Variants in DLC1 observed in about 807,000 individuals in gnomAD.
DLC1 encodes rho GTPase-activating protein 7.
In DLC1, 54 loss-of-function variants were observed where a neutral mutation model predicts 140.3. The observed-to-expected ratio is 0.38, with a 90% CI of 0.31 to 0.48. DLC1 has a LOEUF of 0.48. Ranked by LOEUF, DLC1 falls within the 20% of genes least tolerant of loss-of-function variation. The probability of loss-of-function intolerance (pLI) is 0.96; values close to 1 mark genes in which losing one functional copy is unlikely to be tolerated. For synonymous variants in DLC1, 986 were observed against 728.1 expected (o/e 1.35, Z -5.70); for missense variants, 2,536 against 1,907.0 (o/e 1.33, Z -6.14).
Position 13,099,831 on chromosome 8 carries a change from CA to C in DLC1, c.2505del (p.Val836Ter). ...TGGAAGCTTCCCGTCCTCCAGTTCACAGAGCCGTTATTCCCCGAGGGGGAGA... is the reference window on the plus strand; with the variant it reads ...TGGAAGCTTCCCGTCCTCCAGTTCACGAGCCGTTATTCCCCGAGGGGGAGA... Reference protein sequence around the residue: ...GSFSPSGNNGSVNWRTGSFHG... With the variant: ...GSFSPSGNNGXVNWRTGSFHG... On this transcript the variant is annotated frameshift_variant, in exon 9 of 18. Transcript: ENST00000276297. LOFTEE classifies it high-confidence loss of function. 1 of 1,614,206 alleles carries C rather than the reference CA, an allele frequency of 6.2e-7. No individual in the cohort carries two copies. Among genetic ancestry groups the C allele is most frequent in the Non-Finnish European group, 8.5e-7 (1 of 1,180,042 alleles).
intron 4 of DLC1, among the ~76,000 whole-genome samples, chr8:13,310,296 ATTTTC>A (rs1341433183): frequency 1.3e-5 from 2 of 152,202 alleles, no homozygotes; most frequent in African/African-American, 4.8e-5. Context: ...GTGTATAGAA[ATTTTC>A]TTTATTTGCC....
chr8:13,398,247 A>G (rs73665110), intron 3 of DLC1, among the ~76,000 whole-genome samples: 1,542 of 151,732 alleles, frequency 0.01, 24 homozygotes, highest in African/African-American at 0.035. Context: ...AGCTAGAGCA[A>G]TTCCAGAAAG....
intron 4 of DLC1, among the ~76,000 whole-genome samples, chr8:13,351,286 G>A (rs1053618151): frequency 6.6e-6 from 1 of 152,204 alleles, no homozygotes; most frequent in African/African-American, 2.4e-5. Context: ...TATAGATGAA[G>A]ACACTGAAGC....
rs564241863 is a variant in DLC1, at chr8:13,094,653, G to A, written c.3526+106C>T. ...TGCACTCCAGCCTGGATGACAGAGC[G>A]AGACTCCATCTCAAAAAAAAAAAGA... On this transcript the variant is annotated intron_variant, in intron 12 of 17. Coordinates refer to ENST00000276297, the MANE Select transcript of DLC1 (RefSeq NM_182643.3). 746 of 1,336,754 alleles carry A rather than the reference G, an allele frequency of 5.6e-4. 16 individuals carry two copies. In the South Asian group the frequency reaches 7.2e-3, roughly 13 times the overall value. 82.8% of individuals were successfully genotyped at this position (1,336,754 alleles called of 1,614,324 possible).
At chr8:13,466,526 G>C (rs1050946437) in intron 2 of DLC1, among the ~76,000 whole-genome samples, 2 of 152,158 alleles carry the variant, frequency 1.3e-5, no homozygotes, top group Admixed American at 1.3e-4. Context: ...AACATTTCCT[G>C]TGGGAGAGAT....
intron 5 of DLC1, among the ~76,000 whole-genome samples, chr8:13,297,866 GT>G (rs59669606): frequency 6.6e-6 from 1 of 150,958 alleles, no homozygotes; most frequent in African/African-American, 2.4e-5. Context: ...TTCCATTTTA[GT>G]TTTTTTTTGT....
intron 4 of DLC1, among the ~76,000 whole-genome samples, chr8:13,312,365 A>AAAAAAAAAAAT (rs1832705305): frequency 1.4e-4 from 14 of 101,856 alleles, no homozygotes; most frequent in African/African-American, 5.2e-4. Flanking sequence ...CGTCTCAAAA[A>AAAAAAAAAAAT]AAAAAAAAAA....
chr8:13,449,258 A>G (rs1355536574), intron 2 of DLC1, among the ~76,000 whole-genome samples: 1 of 152,196 alleles, frequency 6.6e-6, no homozygotes, highest in Non-Finnish European at 1.5e-5. Flanking sequence ...ATTGGCACAC[A>G]GCTCAGCTGC....
Position 13,100,756 on chromosome 8 carries a change from G to T in DLC1, c.1581C>A (p.Asp527Glu). 1.3e-6 allele frequency: 2 copies of T among 1,565,712 alleles called. No individual in the cohort carries two copies. Among genetic ancestry groups the T allele is most frequent in the Non-Finnish European group, 1.7e-6 (2 of 1,157,554 alleles). ...CACTGATGGCACAAGGCTCATCCTC[G>T]TCTGAATCGTCACTCTGCAAAGACA... Reference protein sequence around the residue: ...SPHRKRSDDSDEDEPCAISGK... With the variant: ...SPHRKRSDDSEEDEPCAISGK... The change falls in exon 9 of 18, where the codon GAC becomes GAA. Residue 527 changes from aspartate to glutamate, a missense_variant. Transcript: ENST00000276297.
Position 13,319,664 on chromosome 8 carries a change from T to G in DLC1, c.1315-14362A>C, listed in dbSNP as rs1833008640. ...CAGTTTCTTGAGACCTCGCCAGCCA[T>G]GCTTCCTGTTCAGTGTGTGGAATCG... On this transcript the variant is annotated intron_variant, in intron 4 of 17. Coordinates refer to ENST00000276297, the MANE Select transcript of DLC1 (RefSeq NM_182643.3). Among the ~76,000 whole-genome samples the G allele has an allele frequency of 2.0e-5, 3 of 152,272 alleles. No homozygotes were observed. In the South Asian group the frequency reaches 6.2e-4, roughly 32 times the overall value.
chr8:13,441,306 G>A (rs1428497500), intron 2 of DLC1, among the ~76,000 whole-genome samples: 3 of 152,116 alleles, frequency 2.0e-5, no homozygotes, highest in Non-Finnish European at 4.4e-5. Flanking sequence ...CACAAGACAG[G>A]GATGCCCTCT....
At chr8:13,430,947 A>T (rs372951926) in intron 2 of DLC1, among the ~76,000 whole-genome samples, 9 of 152,234 alleles carry the variant, frequency 5.9e-5, no homozygotes, top group African/African-American at 1.9e-4. Context: ...GCTAATTGCT[A>T]TCCTATGAAG....
At chr8:13,473,802 TGA>T (rs1800317486) in intron 2 of DLC1, among the ~76,000 whole-genome samples, 1 of 152,122 alleles carries the variant, frequency 6.6e-6, no homozygotes, top group Non-Finnish European at 1.5e-5. Flanking sequence ...ACTTTGAACT[TGA>T]GAGAGATGAT....
intron 2 of DLC1, among the ~76,000 whole-genome samples, chr8:13,445,057 C>T (rs1393462732): frequency 6.6e-6 from 1 of 150,664 alleles, no homozygotes; most frequent in Non-Finnish European, 1.5e-5. Flanking sequence ...GAGAGGGAAG[C>T]AGAGAGACAC....
At chr8:13,399,289 C>G (rs1369381939) in intron 3 of DLC1, among the ~76,000 whole-genome samples, 1 of 152,136 alleles carries the variant, frequency 6.6e-6, no homozygotes, top group African/African-American at 2.4e-5. Flanking sequence ...AAAGAAAAAA[C>G]TGGCATGTTG....
intron 1 of DLC1, among the ~76,000 whole-genome samples, chr8:13,555,567 C>T (rs141901480): frequency 0.017 from 2,556 of 152,242 alleles, 75 homozygotes; most frequent in African/African-American, 0.058. Context: ...TCTCGGCTCA[C>T]TGCAATCTCC....
intron 2 of DLC1, among the ~76,000 whole-genome samples, chr8:13,406,181 G>GTGTTTTTT (rs1554514492): frequency 3.5e-5 from 3 of 84,960 alleles, no homozygotes; most frequent in African/African-American, 1.4e-4. Context: ...TAATTTTTGT[G>GTGTTTTTT]TTTTTTTTTT....
At chr8:13,454,856 A>G (rs1799316234) in intron 2 of DLC1, among the ~76,000 whole-genome samples, 1 of 152,146 alleles carries the variant, frequency 6.6e-6, no homozygotes, top group African/African-American at 2.4e-5. Flanking sequence ...CCTGGCCAAG[A>G]GTTTTGTAAT....
chr8:13,271,981 A>G (rs1206113824), intron 5 of DLC1, among the ~76,000 whole-genome samples: 1 of 152,186 alleles, frequency 6.6e-6, no homozygotes, highest in African/African-American at 2.4e-5. Flanking sequence ...AGGCTCTTAA[A>G]TGTTTAGCTA....
Sources: allele counts gnomAD v4.1 joint callset (sites outside exome capture counted in the v4.1 genomes callset), GRCh38; gene constraint gnomAD v4.1.1; transcripts MANE v1.5; gene names NCBI Gene and HGNC (gene_info 2026-07-23, HGNC 2026-07-21).